Variants in SDK1 observed in about 807,000 individuals in gnomAD.
The protein encoded by SDK1 is protein sidekick-1.
In SDK1, 157 loss-of-function variants were observed where a neutral mutation model predicts 245.5. The observed-to-expected ratio is 0.64, with a 90% confidence interval of 0.56 to 0.73. The LOEUF (loss-of-function observed/expected upper bound fraction) is 0.73. Ranked by LOEUF, SDK1 falls within the 30% of genes least tolerant of loss-of-function variation. The pLI, the probability that SDK1 is intolerant of heterozygous loss-of-function variation, is 0.00. For missense variants in SDK1, 3,583 were observed against 3,002.3 expected (o/e 1.19, Z -4.52); for synonymous variants, 1,647 against 1,278.5 (o/e 1.29, Z -6.15).
At chr7:3,968,310 C>G (rs940855571) in intron 10 of SDK1, among the ~76,000 whole-genome samples, 1 of 152,238 alleles carries the variant, frequency 6.6e-6, no homozygotes, top group Non-Finnish European at 1.5e-5. Flanking sequence ...ACTGAAGGAA[C>G]AGCACACAGA....
intron 42 of SDK1, among the ~76,000 whole-genome samples, chr7:4,238,104 C>T (rs1786294049): frequency 1.3e-5 from 2 of 148,986 alleles, no homozygotes; most frequent in African/African-American, 2.5e-5. Context: ...TTTTTTTTTA[C>T]AGTCTCACTC....
At chr7:3,411,069 A>G (rs1779186865) in intron 1 of SDK1, among the ~76,000 whole-genome samples, 1 of 152,136 alleles carries the variant, frequency 6.6e-6, no homozygotes, top group Admixed American at 6.5e-5. Context: ...AATGAAAATC[A>G]TCATTATAAG....
At chr7:3,329,962 C>T (rs1047827968) in intron 1 of SDK1, among the ~76,000 whole-genome samples, 1 of 152,150 alleles carries the variant, frequency 6.6e-6, no homozygotes, top group Non-Finnish European at 1.5e-5. Context: ...CTTGAGCATT[C>T]ATGGATTTTG....
At chr7:3,960,661 T>C (rs1781603537) in intron 8 of SDK1, among the ~76,000 whole-genome samples, 1 of 152,198 alleles carries the variant, frequency 6.6e-6, no homozygotes, top group South Asian at 2.1e-4. Context: ...GGTCCTCAGC[T>C]CCTGACCAGC....
chr7:3,334,156 A>G (rs1780139784), intron 1 of SDK1, among the ~76,000 whole-genome samples: 1 of 152,220 alleles, frequency 6.6e-6, no homozygotes, highest in Admixed American at 6.5e-5. Flanking sequence ...TCAGCTTTCC[A>G]GACTCTGCAG....
chr7:3,789,393 T>C (rs1781011780), intron 4 of SDK1, among the ~76,000 whole-genome samples: 1 of 152,110 alleles, frequency 6.6e-6, no homozygotes, highest in South Asian at 2.1e-4. Context: ...GGTGATCCAC[T>C]CGCCTCAGCC....
intron 4 of SDK1, among the ~76,000 whole-genome samples, chr7:3,733,826 C>G (rs1297538186): frequency 6.6e-6 from 1 of 152,162 alleles, no homozygotes; most frequent in Non-Finnish European, 1.5e-5. Context: ...CCGATTATGA[C>G]TATTGTGAGA....
chr7:3,986,815 G>C (rs548862554), intron 13 of SDK1, among the ~76,000 whole-genome samples: 21 of 152,328 alleles, frequency 1.4e-4, no homozygotes, highest in African/African-American at 5.1e-4. Context: ...AGCCGAGCTT[G>C]CATCACAGCA....
chr7:3,584,326 T>C (rs1291134270), intron 1 of SDK1, among the ~76,000 whole-genome samples: 2 of 152,184 alleles, frequency 1.3e-5, no homozygotes, highest in Non-Finnish European at 2.9e-5. Context: ...TCCTCCTCCT[T>C]GCCTGGCGTT....
At chr7:4,031,963 G>T (rs1370449869) in intron 17 of SDK1, among the ~76,000 whole-genome samples, 2 of 150,658 alleles carry the variant, frequency 1.3e-5, no homozygotes, top group East Asian at 2.0e-4. Context: ...AGAGGCAGAG[G>T]TTGCAGTGAG....
intron 2 of SDK1, among the ~76,000 whole-genome samples, chr7:3,630,938 T>C (rs1782270288): frequency 6.6e-6 from 1 of 151,282 alleles, no homozygotes; most frequent in African/African-American, 2.4e-5. Context: ...CTCTACAAGA[T>C]TTTTTTTTGT....
At chr7:3,500,140 C>T (rs866283201) in intron 1 of SDK1, among the ~76,000 whole-genome samples, 2 of 152,098 alleles carry the variant, frequency 1.3e-5, no homozygotes, top group African/African-American at 2.4e-5. Context: ...ACTTGTCTAT[C>T]GAGTCACATT....
At chr7:3,336,489 A>AC (rs1780203381) in intron 1 of SDK1, among the ~76,000 whole-genome samples, 1 of 151,998 alleles carries the variant, frequency 6.6e-6, no homozygotes, top group Non-Finnish European at 1.5e-5. Context: ...GGGGCTAATT[A>AC]CCATTACACT....
At chr7:4,044,456 ATT>A (rs60227250) in intron 17 of SDK1, among the ~76,000 whole-genome samples, 1 of 151,310 alleles carries the variant, frequency 6.6e-6, no homozygotes, top group African/African-American at 2.4e-5. Flanking sequence ...GCTTTGCTTT[ATT>A]TTTTTTTAGG....
intron 10 of SDK1, among the ~76,000 whole-genome samples, chr7:3,968,380 C>A (rs1026428661): frequency 6.6e-6 from 1 of 152,194 alleles, no homozygotes; most frequent in Admixed American, 6.5e-5. Flanking sequence ...GCTCCTCATA[C>A]TTGCTGGGCT....
At chr7:4,256,267 A>G (rs1787620574) in intron 44 of SDK1, among the ~76,000 whole-genome samples, 1 of 152,208 alleles carries the variant, frequency 6.6e-6, no homozygotes. Flanking sequence ...CACCAGTTAA[A>G]TCATTGTTCC....
intron 2 of SDK1, among the ~76,000 whole-genome samples, chr7:3,634,979 A>C (rs1782409395): frequency 6.6e-6 from 1 of 152,210 alleles, no homozygotes; most frequent in African/African-American, 2.4e-5. Flanking sequence ...GCAGTGATAA[A>C]ACTGTCTTTG....
At chr7:3,669,904 C>T (rs1251222731) in intron 4 of SDK1, among the ~76,000 whole-genome samples, 2 of 152,190 alleles carry the variant, frequency 1.3e-5, no homozygotes, top group African/African-American at 4.8e-5. Context: ...ACTCCTGGCT[C>T]TCCTTTCTTA....
intron 5 of SDK1, among the ~76,000 whole-genome samples, chr7:3,914,641 T>G (rs1779303256): frequency 6.6e-6 from 1 of 152,208 alleles, no homozygotes; most frequent in Non-Finnish European, 1.5e-5. Context: ...CAACTCTTAT[T>G]GCAAAATGAT....
Sources: gnomAD v4.1 joint callset for allele counts (sites outside exome capture counted in the v4.1 genomes callset) on GRCh38, gnomAD v4.1.1 for gene constraint, MANE v1.5 for transcripts, NCBI Gene and HGNC (gene_info 2026-07-23, HGNC 2026-07-21) for gene names.